SDK1: variants seen among roughly 807,000 people sequenced by gnomAD.
SDK1 encodes the protein sidekick cell adhesion molecule 1, also known as protein sidekick-1.
In SDK1, 157 loss-of-function variants were observed where a neutral mutation model predicts 245.5. The observed-to-expected ratio is 0.64, with a 90% CI of 0.56 to 0.73. The LOEUF is 0.73. Among genes scored for constraint, SDK1 ranks in the 30% least tolerant of loss-of-function variants. SDK1 has a pLI of 0.00. For synonymous variants in SDK1, 1,647 were observed against 1,278.5 expected, an observed-to-expected ratio of 1.29 and a Z score of -6.15; for missense variants, 3,583 against 3,002.3, an observed-to-expected ratio of 1.19 and a Z score of -4.52.
At chr7:3,562,179 T>C (rs1232354658) in intron 1 of SDK1, among the ~76,000 whole-genome samples, 1 of 152,142 alleles carries the variant, frequency 6.6e-6, no homozygotes. Context: ...TAGTGAAAAA[T>C]GCTTCCAAGT....
chr7:3,970,190 A>G (rs1409219563), intron 11 of SDK1, among the ~76,000 whole-genome samples: 1 of 152,252 alleles, frequency 6.6e-6, no homozygotes, highest in Non-Finnish European at 1.5e-5. Flanking sequence ...AAATCTATCT[A>G]CATGAGGAGA....
At position 4,237,781 on chromosome 7, in the gene SDK1, A is replaced by C. The variant is rs775642710; in HGVS notation, c.6127A>C (p.Thr2043Pro). 3 of 1,614,162 alleles carry C rather than the reference A, an allele frequency of 1.9e-6. No homozygotes were observed. Residue 2043 changes from threonine to proline, a missense_variant, in exon 42 of 45, where the codon ACA becomes CCA. Physicochemically the swap from Thr to Pro is conservative, Grantham distance 38 (BLOSUM62 -1). Coordinates refer to ENST00000404826, the MANE Select transcript of SDK1 (RefSeq NM_152744.4). ...GAATAAGAAGTATAAGAACTGCAGC[A>C]CAGGTGCAGGTCCAGCCCCTTCCTC... Reference protein sequence around the residue: ...GQNKKYKNCSTGKGISTMEES... With the variant: ...GQNKKYKNCSPGKGISTMEES...
rs1267207903 is a variant in SDK1, at chr7:4,210,116, C to A, written c.5493C>A (p.Ile1831=). The A allele has an allele frequency of 6.2e-7, 1 of 1,609,102 alleles. No homozygotes were observed. The highest frequency in any genetic ancestry group is 1.3e-5 in the African/African-American group (1 of 74,688). Residue 1831 remains isoleucine, a synonymous_variant, in exon 38 of 45, where the codon ATC becomes ATA. Transcript: ENST00000404826. The part of the protein sequence containing the change: ...SWGEPAAANG[I]LQGYRVVYEP... ...GCGAGCCTGCGGCGGCCAACGGCAT[C>A]CTGCAGGGCTATCGGGTGGTGTACG... is the stretch of plus-strand genomic sequence containing the variant.
intron 4 of SDK1, among the ~76,000 whole-genome samples, chr7:3,727,736 C>T (rs1440246691): frequency 2.0e-5 from 3 of 152,170 alleles, no homozygotes; most frequent in Admixed American, 1.3e-4. Flanking sequence ...GGTGATCCAC[C>T]CGCCTCAGCC....
rs146991355 is a variant in SDK1 at position 3,920,855 on chromosome 7, C to T, written c.848-30068C>T. ...AGGTTATTTACGGGAAGATGGATCT[C>T]GCAATTGAGTGCTGAAGAAGGCGTT... On this transcript the variant is annotated intron_variant, in intron 5 of 44. Coordinates refer to ENST00000404826, the MANE Select transcript of SDK1 (RefSeq NM_152744.4). Among the ~76,000 whole-genome samples the T allele has an allele frequency of 2.4e-4, 37 of 152,244 alleles. 1 individual carries two copies. The East Asian group carries it at 6.2e-3, about 25-fold the overall frequency.
chr7:3,451,049 G>A (rs1313396922), intron 1 of SDK1, among the ~76,000 whole-genome samples: 1 of 152,146 alleles, frequency 6.6e-6, no homozygotes, highest in Non-Finnish European at 1.5e-5. Context: ...GGTCATCAGT[G>A]GCTCAGGCAA....
intron 5 of SDK1, among the ~76,000 whole-genome samples, chr7:3,903,196 T>C (rs1293731919): frequency 6.6e-6 from 1 of 150,512 alleles, no homozygotes; most frequent in Non-Finnish European, 1.5e-5. Flanking sequence ...CAGGCTAGAG[T>C]GCAGTGGTGT....
chr7:4,245,122 A>G (rs1000476275), intron 43 of SDK1, among the ~76,000 whole-genome samples: 1 of 152,230 alleles, frequency 6.6e-6, no homozygotes, highest in Non-Finnish European at 1.5e-5. Context: ...AAAGGATGGG[A>G]TGATGGGGGT....
At chr7:3,483,038 A>G (rs937510262) in intron 1 of SDK1, among the ~76,000 whole-genome samples, 5 of 151,380 alleles carry the variant, frequency 3.3e-5, no homozygotes, top group African/African-American at 4.9e-5. Flanking sequence ...TCATATTGTA[A>G]ACTTTTTAAA....
chr7:3,478,662 G>A (rs1349508863), intron 1 of SDK1, among the ~76,000 whole-genome samples: 1 of 151,766 alleles, frequency 6.6e-6, no homozygotes, highest in East Asian at 1.9e-4. Flanking sequence ...AAGAATCAAA[G>A]GTTTTATTGA....
chr7:3,876,017 G>A (rs1216595900), intron 5 of SDK1, among the ~76,000 whole-genome samples: 2 of 152,142 alleles, frequency 1.3e-5, no homozygotes, highest in Admixed American at 6.5e-5. Context: ...TTGCTTGGTA[G>A]CCTCTTGCCA....
chr7:4,073,961 T>TG (rs35843334), intron 20 of SDK1, among the ~76,000 whole-genome samples: 43,302 of 151,858 alleles, frequency 0.29, 6,662 homozygotes, highest in African/African-American at 0.38. Flanking sequence ...CTGAGCACTA[T>TG]GGGGTGGGGC....
intron 4 of SDK1, among the ~76,000 whole-genome samples, chr7:3,681,114 T>G (rs1386790190): frequency 6.6e-6 from 1 of 152,186 alleles, no homozygotes; most frequent in Non-Finnish European, 1.5e-5. Flanking sequence ...AGTGCTGGGA[T>G]TACAGGCGTG....
intron 4 of SDK1, among the ~76,000 whole-genome samples, chr7:3,774,599 T>G (rs558032480): frequency 6.6e-6 from 1 of 152,302 alleles, no homozygotes; most frequent in East Asian, 1.9e-4. Context: ...CCTCCAGAGT[T>G]CCAAAATAGT....
intron 1 of SDK1, among the ~76,000 whole-genome samples, chr7:3,602,112 G>C (rs1033984729): frequency 6.6e-6 from 1 of 151,864 alleles, no homozygotes; most frequent in African/African-American, 2.4e-5. Context: ...AGTCTTTGCT[G>C]TTGTGAATAG....
At chr7:3,822,292 T>C (rs1779665162) in intron 5 of SDK1, among the ~76,000 whole-genome samples, 1 of 152,232 alleles carries the variant, frequency 6.6e-6, no homozygotes, top group African/African-American at 2.4e-5. Flanking sequence ...TGAAGCTTCA[T>C]GGTATGAAAT....
intron 1 of SDK1, among the ~76,000 whole-genome samples, chr7:3,378,440 C>T (rs144715932): frequency 4.3e-4 from 66 of 152,220 alleles, no homozygotes; most frequent in African/African-American, 1.5e-3. Flanking sequence ...TGCGTTTCTT[C>T]GAGCATATTC....
chr7:3,564,037 G>C (rs963877232), intron 1 of SDK1, among the ~76,000 whole-genome samples: 1 of 152,002 alleles, frequency 6.6e-6, no homozygotes, highest in Non-Finnish European at 1.5e-5. Context: ...GTAGGATGTA[G>C]TTCAAGCAGT....
intron 17 of SDK1, among the ~76,000 whole-genome samples, chr7:4,025,139 A>C (rs1398879026): frequency 1.3e-5 from 2 of 152,116 alleles, no homozygotes; most frequent in Admixed American, 6.6e-5. Flanking sequence ...TCATTCTTTA[A>C]AACAATGCTG....
Sources: allele counts gnomAD v4.1 joint callset (sites outside exome capture counted in the v4.1 genomes callset), GRCh38; gene constraint gnomAD v4.1.1; transcripts MANE v1.5; gene names NCBI Gene and HGNC (gene_info 2026-07-23, HGNC 2026-07-21).